UNC79: variants seen among roughly 807,000 people sequenced by gnomAD.
The protein encoded by UNC79 is protein unc-79 homolog.
Under a neutral mutation model 283.1 loss-of-function variants are expected in UNC79, and 37 were observed. That is an observed-to-expected ratio of 0.13 (90% CI 0.10 to 0.17). The LOEUF is 0.17. Among genes scored for constraint, UNC79 ranks in the 10% least tolerant of loss-of-function variants. The probability of loss-of-function intolerance (pLI) is 1.00; values close to 1 mark genes in which losing one functional copy is unlikely to be tolerated. For synonymous variants in UNC79, 1,107 were observed against 1,200.2 expected (o/e 0.92, Z 1.61); for missense variants, 2,272 against 3,211.1 (o/e 0.71, Z 7.07).
chr14:93,513,953 A>G (rs1206010162), intron 7 of UNC79, among the ~76,000 whole-genome samples: 1 of 152,194 alleles, frequency 6.6e-6, no homozygotes, highest in Non-Finnish European at 1.5e-5. Flanking sequence ...CAGTGTTTAG[A>G]GGGATATTTA....
intron 12 of UNC79, 142 bp from the exon 13 acceptor site, chr14:93,540,518 A>G (rs771225304): frequency 3.6e-6 from 3 of 836,780 alleles, no homozygotes; most frequent in African/African-American, 1.7e-5. Context: ...CACAGTACTC[A>G]GTAACTCAGT....
chr14:93,371,386 CA>C (rs1481930805), intron 1 of UNC79, among the ~76,000 whole-genome samples: 1 of 150,320 alleles, frequency 6.7e-6, no homozygotes, highest in Non-Finnish European at 1.5e-5. Context: ...GACTCCATCT[CA>C]AAAAAACAAA....
At chr14:93,365,999 C>T (rs1338993797) in intron 1 of UNC79, among the ~76,000 whole-genome samples, 1 of 151,992 alleles carries the variant, frequency 6.6e-6, no homozygotes, top group Non-Finnish European at 1.5e-5. Flanking sequence ...AGCTTTCAGA[C>T]AGAAAAAAAG....
chr14:93,506,805 T>C (rs1174561575), intron 7 of UNC79, among the ~76,000 whole-genome samples: 2 of 152,178 alleles, frequency 1.3e-5, no homozygotes, highest in African/African-American at 2.4e-5. Flanking sequence ...AATGTACAGC[T>C]GGGTCAATTA....
rs71129656 is a variant in UNC79 at position 93,705,347 on chromosome 14, C to CAA, written c.7590+705_7590+706dup. Among the ~76,000 whole-genome samples, 708 of 87,286 alleles carry CAA rather than the reference C, an allele frequency of 8.1e-3. 8 individuals carry two copies. Among genetic ancestry groups the CAA allele is most frequent in the African/African-American group, 0.021 (452 of 21,458 alleles). 57.3% of individuals were successfully genotyped at this position (87,286 alleles called of 152,430 possible). On this transcript the variant is annotated intron_variant, in intron 48 of 48. Transcript: ENST00000555664. ...ATAGACAGAGCAAGACCCAGTCTCT[C>CAA]AAAAAAAAAAAAAAAAAAAAAAAAA... is the stretch of plus-strand genomic sequence containing the variant.
Position 93,556,288 on chromosome 14 carries a change from A to T in UNC79, c.1755+13592A>T, listed in dbSNP as rs1412353605. Among the ~76,000 whole-genome samples the T allele has an allele frequency of 3.3e-5, 5 of 152,190 alleles. No individual in the cohort carries two copies. The East Asian group carries it at 9.6e-4, about 29-fold the overall frequency. ...TTTTATGTATGTAAACACAAAAAAA[A>T]AGGAGTATCACCCTGTGGTAATAGC... On this transcript the variant is annotated intron_variant, in intron 14 of 48. Coordinates refer to ENST00000555664, the Ensembl canonical transcript of UNC79.
At chr14:93,456,521 A>T (rs2056800821) in intron 1 of UNC79, among the ~76,000 whole-genome samples, 1 of 152,124 alleles carries the variant, frequency 6.6e-6, no homozygotes, top group Non-Finnish European at 1.5e-5. Flanking sequence ...AGAGGAAGGG[A>T]ATCTGACTCA....
chr14:93,622,626 C>G, exon 30 of UNC79: 1 of 1,614,156 alleles, frequency 6.2e-7, no homozygotes. Flanking sequence ...GAGAACCCCA[C>G]AGAAAGTGAG....
chr14:93,350,299 T>C (rs1361902206), intron 1 of UNC79, among the ~76,000 whole-genome samples: 1 of 151,888 alleles, frequency 6.6e-6, no homozygotes, highest in Non-Finnish European at 1.5e-5. Context: ...AAAAAGAAAA[T>C]AGGAAGTAAA....
intron 31 of UNC79, 36 bp from the exon 35 acceptor site, chr14:93,637,180 C>T (rs1263050753): frequency 2.1e-6 from 2 of 959,204 alleles, no homozygotes; most frequent in Non-Finnish European, 3.4e-6. Flanking sequence ...GCTAAGATGA[C>T]CACATCAAAG....
At chr14:93,497,066 T>C in intron 6 of UNC79, 91 bp from the exon 7 acceptor site, 1 of 1,453,220 alleles carries the variant, frequency 6.9e-7, no homozygotes, top group South Asian at 1.4e-5. Context: ...ATCCCTCCAT[T>C]AGAATTTTCA....
At chr14:93,440,071 A>G (rs2056236925) in intron 1 of UNC79, among the ~76,000 whole-genome samples, 1 of 152,216 alleles carries the variant, frequency 6.6e-6, no homozygotes, top group Non-Finnish European at 1.5e-5. Flanking sequence ...CAATAAAAAA[A>G]TACAGTGGGG....
At chr14:93,443,974 G>T (rs1273326292) in intron 1 of UNC79, among the ~76,000 whole-genome samples, 1 of 152,154 alleles carries the variant, frequency 6.6e-6, no homozygotes, top group Non-Finnish European at 1.5e-5. Context: ...GAATGGAATT[G>T]CTTGGTAGTA....
chr14:93,661,544 T>C (rs1395424363), intron 39 of UNC79, among the ~76,000 whole-genome samples: 2 of 152,214 alleles, frequency 1.3e-5, no homozygotes, highest in Non-Finnish European at 2.9e-5. Context: ...GCAGAGCAAT[T>C]CTACCTCTGG....
chr14:93,587,635 T>A (rs951578504), intron 22 of UNC79, among the ~76,000 whole-genome samples: 1 of 152,210 alleles, frequency 6.6e-6, no homozygotes, highest in African/African-American at 2.4e-5. Flanking sequence ...CAATCTAGTT[T>A]GGAAGGGGGT....
At chr14:93,619,121 A>G (rs1046290547) in intron 29 of UNC79, among the ~76,000 whole-genome samples, 13 of 152,192 alleles carry the variant, frequency 8.5e-5, no homozygotes, top group African/African-American at 3.1e-4. Context: ...AGATACCTCA[A>G]AAGTATAAAT....
chr14:93,655,162 A>G, intron 37 of UNC79, 72 bp from the exon 41 acceptor site: 2 of 1,545,520 alleles, frequency 1.3e-6, no homozygotes, highest in Non-Finnish European at 1.8e-6. Flanking sequence ...TTTTAAACTG[A>G]CATTTACCAA....
chr14:93,571,813 C>A, intron 14 of UNC79, 81 bp from the exon 15 acceptor site: 16 of 1,460,500 alleles, frequency 1.1e-5, no homozygotes, highest in Non-Finnish European at 1.4e-5. Context: ...TCTCTGTACC[C>A]ATTGCCTTAG....
intron 40 of UNC79, among the ~76,000 whole-genome samples, chr14:93,669,359 G>A (rs918902895): frequency 2.0e-5 from 3 of 152,166 alleles, no homozygotes; most frequent in Admixed American, 1.3e-4. Context: ...TGTTAGCCCA[G>A]CACTGATGGC....
Sources: gnomAD v4.1 joint callset for allele counts (sites outside exome capture counted in the v4.1 genomes callset) on GRCh38, gnomAD v4.1.1 for gene constraint, MANE v1.5 for transcripts, NCBI Gene and HGNC (gene_info 2026-07-23, HGNC 2026-07-21) for gene names.